Variants in BACH1 observed in about 807,000 individuals in gnomAD.
BACH1 encodes transcription regulator protein BACH1.
Under a neutral mutation model 52.9 loss-of-function variants are expected in BACH1, and 35 were observed. The ratio of observed to expected loss-of-function variants is 0.66; its 90% CI spans 0.51 to 0.88. BACH1 has a LOEUF of 0.88. BACH1 is among the 40% of genes least tolerant of loss of function. BACH1 has a pLI of 0.00. For synonymous variants in BACH1, 321 were observed against 319.6 expected, an observed-to-expected ratio of 1.00 and a Z score of -0.05; for missense variants, 808 against 872.6, an observed-to-expected ratio of 0.93 and a Z score of 0.93.
downstream of BACH1, among the ~76,000 whole-genome samples, chr21:29,348,136 C>T (rs116815397): frequency 6.7e-3 from 1,020 of 152,286 alleles, 6 homozygotes; most frequent in African/African-American, 0.023. Context: ...TGCCAGATTT[C>T]TCATTCAGAT....
chr21:29,342,347 T>C, intron 4 of BACH1, 52 bp from the exon 5 acceptor site: 1 of 1,518,522 alleles, frequency 6.6e-7, no homozygotes, highest in South Asian at 1.2e-5. Flanking sequence ...CTTGGAAATG[T>C]TGATTGAGCT....
At chr21:29,353,370 G>T (rs776283797) in intron 2 of BACH1, among the ~76,000 whole-genome samples, 3 of 151,842 alleles carry the variant, frequency 2.0e-5, no homozygotes, top group Non-Finnish European at 2.9e-5. Flanking sequence ...CAGCTAGCAC[G>T]CAATAAGCTT....
At chr21:29,305,565 CT>C (rs1257164633) in intron 1 of BACH1, among the ~76,000 whole-genome samples, 1 of 152,190 alleles carries the variant, frequency 6.6e-6, no homozygotes, top group African/African-American at 2.4e-5. Flanking sequence ...TTCTAGAGAG[CT>C]ATCCTACCAC....
rs1417078530 is a variant in BACH1, at chr21:29,326,413, C to T, written c.589C>T (p.Pro197Ser). The change falls in exon 3 of 5, where the codon CCT becomes TCT. Residue 197 changes from proline (P) to serine (S), a missense_variant. Pro to Ser is a moderately conservative substitution (Grantham distance 74). Transcript: ENST00000286800. ...RRYQGNAKAS[P>S]PLQDSASQTY... ...GTATCAAGGAAATGCAAAAGCCTCA[C>T]CTCCTCTACAAGACAGTGCCAGTCA... is the stretch of plus-strand genomic sequence containing the variant. 6.2e-7 allele frequency: 1 copy of T among 1,614,058 alleles called. No individual in the cohort carries two copies. Among genetic ancestry groups the T allele is most frequent in the East Asian group, 2.2e-5 (1 of 44,900 alleles).
chr21:29,337,139 C>G (rs115707333), intron 4 of BACH1, among the ~76,000 whole-genome samples: 55 of 152,322 alleles, frequency 3.6e-4, no homozygotes, highest in African/African-American at 1.3e-3. Context: ...CAGCTCCTGT[C>G]CTGTTGACAT....
intron 1 of BACH1, among the ~76,000 whole-genome samples, chr21:29,303,613 G>A (rs998811323): frequency 5.3e-5 from 8 of 152,120 alleles, no homozygotes; most frequent in African/African-American, 1.9e-4. Flanking sequence ...AAGGCAGCTG[G>A]AATTAAGTAA....
intron 1 of BACH1, chr21:29,299,590 C>T (rs1309642819): frequency 6.6e-6 from 1 of 152,234 alleles, no homozygotes; most frequent in Non-Finnish European, 1.5e-5. Context: ...TTAAGCCTCG[C>T]ACAATATGGT....
intron 2 of BACH1, among the ~76,000 whole-genome samples, chr21:29,357,831 G>A (rs1441102192): frequency 6.6e-6 from 1 of 152,176 alleles, no homozygotes; most frequent in Non-Finnish European, 1.5e-5. Context: ...CCAATGCCCA[G>A]ACTTCAGGGT....
At chr21:29,300,279 G>C (rs771615711) in intron 1 of BACH1, 1 of 152,202 alleles carries the variant, frequency 6.6e-6, no homozygotes, top group Non-Finnish European at 1.5e-5. Flanking sequence ...ATGTTGGTTG[G>C]TTAACAAGGT....
At chr21:29,361,835 C>T (rs541277657) in intron 2 of BACH1, 7 of 152,198 alleles carry the variant, frequency 4.6e-5, no homozygotes, top group South Asian at 2.1e-4. Flanking sequence ...ACTTGTATAC[C>T]GTCTTTAATA....
At chr21:29,358,800 A>C (rs543766605) in intron 2 of BACH1, among the ~76,000 whole-genome samples, 1 of 137,470 alleles carries the variant, frequency 7.3e-6, no homozygotes, top group Non-Finnish European at 1.7e-5. Flanking sequence ...GAAAGAAAGA[A>C]AGAAAGAAAG....
intron 1 of BACH1, among the ~76,000 whole-genome samples, chr21:29,302,143 C>A (rs1488736768): frequency 1.3e-5 from 2 of 152,102 alleles, no homozygotes; most frequent in Non-Finnish European, 2.9e-5. Context: ...TTGTCTTAAC[C>A]CTAAAACCTG....
chr21:29,352,852 C>T (rs980379996), intron 2 of BACH1, among the ~76,000 whole-genome samples: 2 of 152,074 alleles, frequency 1.3e-5, no homozygotes, highest in African/African-American at 4.8e-5. Flanking sequence ...GCTGGGACTA[C>T]AGGTGCTCGC....
intron 2 of BACH1, among the ~76,000 whole-genome samples, chr21:29,357,138 A>T (rs534784687): frequency 3.4e-4 from 52 of 152,320 alleles, no homozygotes; most frequent in Non-Finnish European, 6.0e-4. Flanking sequence ...ATCTGTATAC[A>T]CATTTATTCT....
chr21:29,351,910 T>A, intron 2 of BACH1: 1 of 376,528 alleles, frequency 2.7e-6, no homozygotes, highest in Non-Finnish European at 5.3e-6. Context: ...TAAAATAGGT[T>A]GAGTATGAAG....
At chr21:29,300,107 T>C (rs183197014) in intron 1 of BACH1, 3 of 152,290 alleles carry the variant, frequency 2.0e-5, no homozygotes, top group Admixed American at 6.5e-5. Flanking sequence ...AGGGCTGGGC[T>C]GGGCTTGAAG....
Position 29,329,710 on chromosome 21 carries a change from C to A in BACH1, c.1776+17C>A, listed in dbSNP as rs777858436. On this transcript the variant is annotated intron_variant, in intron 4 of 4. Transcript: ENST00000286800. ...GAGAAGCTGGTAAGTGTAAAAGTTT[C>A]TTGTTACTATTTAAATTCCACCACT... 1 of 1,471,730 alleles carries A rather than the reference C, an allele frequency of 6.8e-7. No homozygotes were observed. Among genetic ancestry groups the A allele is most frequent in the South Asian group, 1.4e-5 (1 of 70,286 alleles). 91.2% of individuals were successfully genotyped at this position (1,471,730 alleles called of 1,614,324 possible).
intron 2 of BACH1, among the ~76,000 whole-genome samples, chr21:29,325,056 C>T (rs921600207): frequency 2.1e-4 from 32 of 152,116 alleles, no homozygotes; most frequent in African/African-American, 6.7e-4. Flanking sequence ...GTGAAACCCC[C>T]GTCTCTACTA....
chr21:29,318,383 T>G (rs564530073), intron 1 of BACH1, among the ~76,000 whole-genome samples: 1 of 152,216 alleles, frequency 6.6e-6, no homozygotes, highest in African/African-American at 2.4e-5. Flanking sequence ...AGTCCCAGAT[T>G]TCTTGTATGA....
Sources: allele counts gnomAD v4.1 joint callset (sites outside exome capture counted in the v4.1 genomes callset), GRCh38; gene constraint gnomAD v4.1.1; transcripts MANE v1.5; gene names NCBI Gene and HGNC (gene_info 2026-07-23, HGNC 2026-07-21).